The following CDC14A variants were observed in gnomAD, a reference collection of about 807,000 sequenced individuals.
CDC14A encodes the protein dual specificity protein phosphatase CDC14A.
Under a neutral mutation model 74.4 loss-of-function variants are expected in CDC14A, and 53 were observed. The ratio of observed to expected loss-of-function variants is 0.71; its 90% CI spans 0.57 to 0.89. The LOEUF is 0.89. CDC14A is among the 40% of genes least tolerant of loss of function. The probability of loss-of-function intolerance (pLI) is 0.00; values close to 1 mark genes in which losing one functional copy is unlikely to be tolerated. For synonymous variants in CDC14A, 247 were observed against 258.4 expected (o/e 0.96, Z 0.43); for missense variants, 646 against 713.7 (o/e 0.91, Z 1.08).
chr1:100,360,547 G>A (rs188391567), intron 2 of CDC14A, among the ~76,000 whole-genome samples: 13 of 150,930 alleles, frequency 8.6e-5, no homozygotes, highest in African/African-American at 2.9e-4. Flanking sequence ...GTTTCACCAT[G>A]TTGACCAGGC....
At chr1:100,504,995 C>T (rs913408664) in intron 15 of CDC14A, 6 of 1,375,936 alleles carry the variant, frequency 4.4e-6, no homozygotes, top group Non-Finnish European at 5.8e-6. Context: ...CTATTATATA[C>T]ATGAACATCT....
At chr1:100,443,456 C>A (rs1335679111) in intron 7 of CDC14A, among the ~76,000 whole-genome samples, 3 of 151,910 alleles carry the variant, frequency 2.0e-5, no homozygotes, top group African/African-American at 7.3e-5. Context: ...CCACCTCAGC[C>A]TCCCAAGCAG....
In CDC14A at chr1:100,422,056, C is replaced by A. The variant is rs769427330; in HGVS notation, c.310-2166C>A. Among the ~76,000 whole-genome samples the A allele has an allele frequency of 3.1e-4, 47 of 152,134 alleles. 1 individual carries two copies. Among genetic ancestry groups the A allele is most frequent in the Non-Finnish European group, 2.8e-4 (19 of 68,022 alleles). ...TGAAAGGTCAACCTGTAAAAGATGC[C>A]CCAAGAATCTTCCTGGAATTTAGAT... On this transcript the variant is annotated intron_variant, in intron 4 of 15. Transcript: ENST00000336454.
chr1:100,384,070 C>T (rs1656516247), intron 3 of CDC14A, among the ~76,000 whole-genome samples: 1 of 152,126 alleles, frequency 6.6e-6, no homozygotes, highest in South Asian at 2.1e-4. Context: ...TTATTTTTTT[C>T]TCTCTCCAAG....
rs1650469955 is a variant in CDC14A at position 100,519,125 on chromosome 1, TC to T, written c.*847del. 1 of 152,132 alleles carries T rather than the reference TC, an allele frequency of 6.6e-6. No homozygotes were observed. The highest frequency in any genetic ancestry group is 6.6e-5 in the Admixed American group (1 of 15,264). The allele number at this position is 152,132 out of a possible 1,614,324, so 9.4% of individuals were successfully genotyped here. A position where few individuals can be genotyped will look rare whatever the true frequency, so the allele number is the denominator to read the frequency against. Reference sequence around the variant, plus strand: ...ACTCAATATTCCAAATGTTTTTTTTTCCTTCCTCCTTTCAAAAGAGTTCTTA... The same window carrying T: ...ACTCAATATTCCAAATGTTTTTTTTTCTTCCTCCTTTCAAAAGAGTTCTTA... On this transcript the variant is annotated 3_prime_UTR_variant, in exon 16 of 16. Coordinates refer to ENST00000336454, the MANE Select transcript of CDC14A (RefSeq NM_003672.4).
In CDC14A at chr1:100,412,742, A is replaced by ATATATATAT. The variant is rs1557732548; in HGVS notation, c.310-11479_310-11471dup. Among the ~76,000 whole-genome samples the ATATATATAT allele has an allele frequency of 1.5e-3, 163 of 108,020 alleles. 10 individuals are homozygous for ATATATATAT. Among genetic ancestry groups the ATATATATAT allele is most frequent in the African/African-American group, 7.7e-3 (155 of 20,244 alleles). The allele number at this position is 108,020 out of a possible 152,430, so 70.9% of individuals were successfully genotyped here. A position where few individuals can be genotyped will look rare whatever the true frequency, so the allele number is the denominator to read the frequency against. Reference sequence around the variant, plus strand: ...TATATATTTTATATATATATATTTTATATATATATATTTTATATATATATA... The same window carrying ATATATATAT: ...TATATATTTTATATATATATATTTTATATATATATTATATATATATTTTATATATATATA... On this transcript the variant is annotated intron_variant, in intron 4 of 15. Transcript: ENST00000336454.
intron 2 of CDC14A, among the ~76,000 whole-genome samples, chr1:100,372,515 C>T (rs1654622604): frequency 6.6e-6 from 1 of 152,192 alleles, no homozygotes; most frequent in African/African-American, 2.4e-5. Context: ...TAAATTCCAT[C>T]TGAAGAACCC....
In CDC14A at chr1:100,499,130, C is replaced by G; in HGVS notation, c.1623C>G (p.Asn541Lys). 6.2e-7 allele frequency: 1 copy of G among 1,614,196 alleles called. No individual in the cohort carries two copies. The highest frequency in any genetic ancestry group is 1.6e-4 in the Middle Eastern group (1 of 6,062). ...ATAATCAGTACAACAGAAGCAGCAA[C>G]AGCAACGGGGGCAACCTGAACAGCC... ...LNNNQYNRSS[N>K]SNGGNLNSPP... Residue 541 changes from asparagine (N) to lysine (K), a missense_variant, in exon 15 of 16, where the codon AAC (asparagine) becomes AAG (lysine). Asn to Lys is a moderately conservative substitution (Grantham distance 94). Coordinates refer to ENST00000336454, the MANE Select transcript of CDC14A (RefSeq NM_003672.4).
rs747178018 is a variant in CDC14A at position 100,370,790 on chromosome 1, C to G, written c.141-6756C>G. On this transcript the variant is annotated intron_variant, in intron 2 of 15. Coordinates refer to ENST00000336454, the MANE Select transcript of CDC14A (RefSeq NM_003672.4). ...TTTGCTTATTGCTTTGACTATTTGGCCTTATTTTGGTTCCATATGAATTTT... is the reference window on the plus strand; with the variant it reads ...TTTGCTTATTGCTTTGACTATTTGGGCTTATTTTGGTTCCATATGAATTTT... 3.3e-5 allele frequency among the ~76,000 whole-genome samples: 5 copies of G among 151,892 alleles called. No homozygotes were observed. In the East Asian group the frequency reaches 5.8e-4, roughly 18 times the overall value.
chr1:100,443,101 A>C lies in CDC14A; in HGVS notation c.519+105A>C, dbSNP rs143864086. 3.0e-5 allele frequency: 23 copies of C among 756,588 alleles called. No individual in the cohort carries two copies. In the South Asian group the frequency reaches 3.7e-4, roughly 12 times the overall value. The allele number at this position is 756,588 out of a possible 1,614,324, so 46.9% of individuals were successfully genotyped here. A position where few individuals can be genotyped will look rare whatever the true frequency, so the allele number is the denominator to read the frequency against. Reference sequence around the variant, plus strand: ...AATCGAGTGGGTGCTAAATAAAAGCATTCTGGAGTTTTCCATAGTGGTCAG... The same window carrying C: ...AATCGAGTGGGTGCTAAATAAAAGCCTTCTGGAGTTTTCCATAGTGGTCAG... On this transcript the variant is annotated intron_variant, in intron 7 of 15. Coordinates refer to ENST00000336454, the MANE Select transcript of CDC14A (RefSeq NM_003672.4).
intron 15 of CDC14A, among the ~76,000 whole-genome samples, chr1:100,517,707 C>G (rs1285704491): frequency 6.6e-6 from 1 of 152,160 alleles, no homozygotes; most frequent in Non-Finnish European, 1.5e-5. Context: ...GTCTTAAGAT[C>G]AGATTTCAAG....
chr1:100,389,180 C>CAAAAAAAAAAAAAAA (rs1196346245), intron 3 of CDC14A, among the ~76,000 whole-genome samples: 1 of 52,240 alleles, frequency 1.9e-5, no homozygotes, highest in Admixed American at 2.4e-4. Flanking sequence ...GACCCTGTCT[C>CAAAAAAAAAAAAAAA]AAAAAAAAAA....
chr1:100,398,628 T>C (rs569725126), intron 4 of CDC14A, among the ~76,000 whole-genome samples: 1 of 152,300 alleles, frequency 6.6e-6, no homozygotes, highest in South Asian at 2.1e-4. Context: ...GAATAAAATA[T>C]ATATACATAT....
chr1:100,510,421 A>T (rs911460446), intron 15 of CDC14A, among the ~76,000 whole-genome samples: 8 of 152,150 alleles, frequency 5.3e-5, no homozygotes, highest in African/African-American at 1.9e-4. Context: ...TTCACTTGAA[A>T]ATTCATTGAA....
intron 10 of CDC14A, among the ~76,000 whole-genome samples, chr1:100,479,876 G>T (rs1669275627): frequency 6.6e-6 from 1 of 152,158 alleles, no homozygotes. Flanking sequence ...GGATAATTAA[G>T]TATGTATCAG....
At position 100,352,574 on chromosome 1, in the gene CDC14A, C is replaced by G. The variant is rs945585251; in HGVS notation, c.-381C>G. 1.9e-6 allele frequency: 2 copies of G among 1,054,202 alleles called. No homozygotes were observed. The highest frequency in any genetic ancestry group is 2.3e-6 in the Non-Finnish European group (2 of 874,678). The allele number at this position is 1,054,202 out of a possible 1,614,324, so 65.3% of individuals were successfully genotyped here. The stretch of plus-strand genomic sequence containing the variant: ...CCGCTCGAGTAGCCACGGGCGCGAT[C>G]GGGACCAGAAGTCTCCTCCTCCATG... On this transcript the variant is annotated 5_prime_UTR_variant, in exon 1 of 16. The change creates a new upstream start codon in the 5' untranslated region. Transcript: ENST00000336454.
At chr1:100,382,208 A>ATTC (rs1334826333) in intron 3 of CDC14A, among the ~76,000 whole-genome samples, 4 of 128,240 alleles carry the variant, frequency 3.1e-5, no homozygotes, top group African/African-American at 1.2e-4. Flanking sequence ...ACCTTCCTCT[A>ATTC]TTCTTTTTTT....
intron 2 of CDC14A, among the ~76,000 whole-genome samples, chr1:100,374,111 A>T (rs981454146): frequency 6.6e-6 from 1 of 152,184 alleles, no homozygotes; most frequent in Non-Finnish European, 1.5e-5. Context: ...AATTTCATCC[A>T]TGTCCCTACA....
At chr1:100,455,775 G>A (rs181507670) in intron 8 of CDC14A, among the ~76,000 whole-genome samples, 1 of 152,272 alleles carries the variant, frequency 6.6e-6, no homozygotes, top group Admixed American at 6.5e-5. Context: ...AAACAAACTG[G>A]TCAAACTCAT....
Sources: allele counts gnomAD v4.1 joint callset (sites outside exome capture counted in the v4.1 genomes callset), GRCh38; gene constraint gnomAD v4.1.1; transcripts MANE v1.5; gene names NCBI Gene and HGNC (gene_info 2026-07-23, HGNC 2026-07-21).